Variants in CUX2 observed in about 807,000 individuals in gnomAD.
The protein encoded by CUX2 is cut like homeobox 2, also known as homeobox protein cut-like 2.
CUX2 carries 40 observed loss-of-function variants against 144.8 expected under a neutral mutation model. That is an observed-to-expected ratio of 0.28 (90% CI 0.21 to 0.36). CUX2 has a LOEUF of 0.36. CUX2 is among the 10% of genes least tolerant of loss of function. CUX2 has a pLI of 1.00. For missense variants in CUX2, 1,615 were observed against 1,994.0 expected, an observed-to-expected ratio of 0.81 and a Z score of 3.62; for synonymous variants, 827 against 875.6, an observed-to-expected ratio of 0.94 and a Z score of 0.98.
At position 111,234,152 on chromosome 12, in the gene CUX2, C is replaced by G. The variant is rs113291124; in HGVS notation, c.222+16215C>G. ...AAACAGAATTAAGTTAGCACATAAC[C>G]CTGTCTGCTGCCCTGTGGACTCCCT... On this transcript the variant is annotated intron_variant, in intron 3 of 21. Transcript: ENST00000261726. Among the ~76,000 whole-genome samples, 1,013 of 152,236 alleles carry G rather than the reference C, an allele frequency of 6.7e-3. 22 individuals carry two copies. Among genetic ancestry groups the G allele is most frequent in the African/African-American group, 0.023 (972 of 41,528 alleles).
At chr12:111,173,265 A>G (rs1363691687) in intron 1 of CUX2, among the ~76,000 whole-genome samples, 2 of 152,140 alleles carry the variant, frequency 1.3e-5, no homozygotes, top group African/African-American at 4.8e-5. Flanking sequence ...CATTGCTGTG[A>G]TTGGCTCCTG....
chr12:111,194,381 G>C (rs746726806), intron 1 of CUX2, among the ~76,000 whole-genome samples: 1 of 152,308 alleles, frequency 6.6e-6, no homozygotes, highest in East Asian at 1.9e-4. Flanking sequence ...TGGCAGGCCG[G>C]GGTCCAACTC....
At chr12:111,038,399 A>G (rs918404892) in intron 1 of CUX2, among the ~76,000 whole-genome samples, 11 of 152,376 alleles carry the variant, frequency 7.2e-5, no homozygotes, top group Admixed American at 2.6e-4. Context: ...CCGAGGTCCA[A>G]TTGCAGCCGA....
At chr12:111,226,853 G>A (rs953030342) in intron 3 of CUX2, among the ~76,000 whole-genome samples, 3 of 152,212 alleles carry the variant, frequency 2.0e-5, no homozygotes, top group African/African-American at 7.2e-5. Flanking sequence ...AGTCTGTGCC[G>A]ACGCCATGGT....
At chr12:111,333,662 C>T (rs1404745419) in intron 18 of CUX2, among the ~76,000 whole-genome samples, 2 of 152,230 alleles carry the variant, frequency 1.3e-5, no homozygotes, top group African/African-American at 2.4e-5. Context: ...CTCAGGAGGC[C>T]CATGTTGCTG....
rs4766534 is a variant in CUX2 at position 111,100,486 on chromosome 12, G to A, written c.63+66246G>A. Among the ~76,000 whole-genome samples, 906 of 152,142 alleles carry A rather than the reference G, an allele frequency of 6.0e-3. 27 individuals are homozygous for A. The highest frequency in any genetic ancestry group is 0.048 in the Admixed American group (736 of 15,286). Reference sequence around the variant, plus strand: ...GCCCTCTGTGTCTTTCTGTTTGTGCGGATGTGTGTGTGTATCTTAAGGAGA... The same window carrying A: ...GCCCTCTGTGTCTTTCTGTTTGTGCAGATGTGTGTGTGTATCTTAAGGAGA... On this transcript the variant is annotated intron_variant, in intron 1 of 21. Transcript: ENST00000261726.
chr12:111,231,235 C>A (rs916140839), intron 3 of CUX2, among the ~76,000 whole-genome samples: 1 of 152,106 alleles, frequency 6.6e-6, no homozygotes, highest in Non-Finnish European at 1.5e-5. Flanking sequence ...TGGCACCCAC[C>A]ATTCTACCTT....
At chr12:111,323,323 C>G (rs941400417) in intron 18 of CUX2, among the ~76,000 whole-genome samples, 22 of 152,034 alleles carry the variant, frequency 1.4e-4, no homozygotes, top group Non-Finnish European at 3.1e-4. Flanking sequence ...CTCAGGTTCA[C>G]AGAAACGAGC....
intron 1 of CUX2, among the ~76,000 whole-genome samples, chr12:111,092,877 C>T (rs931033791): frequency 4.7e-5 from 7 of 148,414 alleles, no homozygotes; most frequent in Non-Finnish European, 3.0e-5. Context: ...TGCAGTGGCC[C>T]GATCATGGCT....
Position 111,312,124 on chromosome 12 carries a change from C to T in CUX2, c.1925C>T (p.Thr642Met), listed in dbSNP as rs779165497. ...QRGSITPRIRTPETGSDDAIK... is the reference protein window; with the variant it reads ...QRGSITPRIRMPETGSDDAIK... ...GGCAGCATCACCCCGAGAATCCGCACGCCTGAGACAGGCTCAGACGACGCC... is the reference window on the plus strand; with the variant it reads ...GGCAGCATCACCCCGAGAATCCGCATGCCTGAGACAGGCTCAGACGACGCC... Residue 642 changes from threonine (T) to methionine (M), a missense_variant, in exon 16 of 22, where the codon ACG (threonine) becomes ATG (methionine). By Grantham distance (81) the Thr-to-Met change is moderately conservative (BLOSUM62 -1). Around this residue, in one of 12 missense-constraint regions of CUX2, gnomAD observed 71 missense variants for 142.3 expected, o/e 0.50. Transcript: ENST00000261726. This position sits in a 1 kb window ranked among gnomAD's most constrained non-coding sequence, Gnocchi z 4.3. 1.7e-5 allele frequency: 28 copies of T among 1,611,290 alleles called. No homozygotes were observed. The highest frequency in any genetic ancestry group is 4.4e-5 in the South Asian group (4 of 90,904).
intron 1 of CUX2, among the ~76,000 whole-genome samples, chr12:111,124,689 T>C (rs7972296): frequency 0.085 from 12,882 of 152,234 alleles, 1,843 homozygotes; most frequent in African/African-American, 0.29. Context: ...GCAGGTTTGT[T>C]ACCTGCTTAT....
chr12:111,103,168 G>A (rs1041988864), intron 1 of CUX2, among the ~76,000 whole-genome samples: 1 of 152,142 alleles, frequency 6.6e-6, no homozygotes, highest in Non-Finnish European at 1.5e-5. Context: ...CAAAAGGTCT[G>A]GTGTATAGTA....
chr12:111,285,226 C>G (rs1885318708), intron 4 of CUX2, among the ~76,000 whole-genome samples: 1 of 152,180 alleles, frequency 6.6e-6, no homozygotes, highest in Non-Finnish European at 1.5e-5. Context: ...CTCTGCAAAA[C>G]TATCAGGCAC....
Position 111,246,578 on chromosome 12 carries a change from C to T in CUX2, c.223-17183C>T, listed in dbSNP as rs946923418. On this transcript the variant is annotated intron_variant, in intron 3 of 21. Coordinates refer to ENST00000261726, the MANE Select transcript of CUX2 (RefSeq NM_015267.4). The surrounding 1 kb of genome is among the most constrained non-coding windows in gnomAD (Gnocchi z 4.0). ...TTTTTATGCAAAAAACAAAAATCTCCGGATTCTTAAAGATTGGCTAACATC... is the reference window on the plus strand; with the variant it reads ...TTTTTATGCAAAAAACAAAAATCTCTGGATTCTTAAAGATTGGCTAACATC... Among the ~76,000 whole-genome samples, 13 of 152,146 alleles carry T rather than the reference C, an allele frequency of 8.5e-5. No homozygotes were observed. Among genetic ancestry groups the T allele is most frequent in the African/African-American group, 2.4e-4 (10 of 41,426 alleles).
intron 1 of CUX2, among the ~76,000 whole-genome samples, chr12:111,063,361 A>G (rs1026917512): frequency 6.6e-6 from 1 of 151,642 alleles, no homozygotes; most frequent in Admixed American, 6.6e-5. Context: ...CCTGCAGTCC[A>G]ACATTGCTCC....
At chr12:111,102,547 G>A (rs183309407) in intron 1 of CUX2, among the ~76,000 whole-genome samples, 1 of 152,352 alleles carries the variant, frequency 6.6e-6, no homozygotes. Context: ...AAATACTCAG[G>A]CTCATTCAGT....
intron 1 of CUX2, among the ~76,000 whole-genome samples, chr12:111,172,870 G>A (rs1036253435): frequency 1.3e-5 from 2 of 152,224 alleles, no homozygotes; most frequent in African/African-American, 4.8e-5. Context: ...TAACTGCTCT[G>A]AGTTATAGGA....
intron 16 of CUX2, among the ~76,000 whole-genome samples, chr12:111,316,799 G>C (rs993166571): frequency 6.6e-6 from 1 of 152,044 alleles, no homozygotes; most frequent in Admixed American, 6.6e-5. Context: ...AGTATAGTCA[G>C]TGTTATGCAA....
At chr12:111,208,741 C>T (rs1363934406) in intron 1 of CUX2, among the ~76,000 whole-genome samples, 3 of 152,178 alleles carry the variant, frequency 2.0e-5, no homozygotes, top group Admixed American at 1.3e-4. Flanking sequence ...GACTTGGGTT[C>T]TGAGGAACAG....
Sources: allele counts gnomAD v4.1 joint callset (sites outside exome capture counted in the v4.1 genomes callset), GRCh38; gene constraint gnomAD v4.1.1; regional missense constraint gnomAD v4.1.1; non-coding constraint Gnocchi (gnomAD v3.1); transcripts MANE v1.5; gene names NCBI Gene and HGNC (gene_info 2026-07-23, HGNC 2026-07-21).